RSAD2: variants seen among roughly 807,000 people sequenced by gnomAD.
RSAD2 encodes the protein S-adenosylmethionine-dependent nucleotide dehydratase RSAD2.
In RSAD2, 38 loss-of-function variants were observed where a neutral mutation model predicts 37.7. That is an observed-to-expected ratio of 1.01 (90% CI 0.78 to 1.32). The LOEUF (loss-of-function observed/expected upper bound fraction) is 1.32. RSAD2 is among the 40% of genes most tolerant of loss of function. The pLI is 0.00. For synonymous variants in RSAD2, 163 were observed against 157.4 expected, an observed-to-expected ratio of 1.04 and a Z score of -0.27; for missense variants, 428 against 437.5, an observed-to-expected ratio of 0.98 and a Z score of 0.19.
At position 6,893,722 on chromosome 2, in the gene RSAD2, T is replaced by C. The variant is rs376771541; in HGVS notation, c.921+19T>C. On this transcript the variant is annotated intron_variant, in intron 5 of 5. Coordinates refer to ENST00000382040, the MANE Select transcript of RSAD2 (RefSeq NM_080657.5). Reference sequence around the variant, plus strand: ...TGAATATGTGAGTATTTCCAATGAGTTATAAAATTAAAACTTAATTAATTA... The same window carrying C: ...TGAATATGTGAGTATTTCCAATGAGCTATAAAATTAAAACTTAATTAATTA... 1.7e-4 allele frequency: 262 copies of C among 1,551,072 alleles called. No individual in the cohort carries two copies. Among genetic ancestry groups the C allele is most frequent in the Non-Finnish European group, 2.1e-4 (238 of 1,123,884 alleles).
chr2:6,891,525 T>C (rs1459920738), intron 4 of RSAD2, among the ~76,000 whole-genome samples: 2 of 152,084 alleles, frequency 1.3e-5, no homozygotes, highest in Middle Eastern at 3.2e-3. Context: ...CCCAGCACTT[T>C]GGGGGGCTGA....
At chr2:6,890,032 C>T in intron 3 of RSAD2, 144 bp from the exon 4 acceptor site, 2 of 676,784 alleles carry the variant, frequency 3.0e-6, no homozygotes, top group Non-Finnish European at 4.7e-6. Flanking sequence ...TTTCATTTCC[C>T]CAAAGTAATA....
At chr2:6,883,318 AAAT>A in intron 1 of RSAD2, 50 bp from the exon 2 acceptor site, 1 of 1,544,476 alleles carries the variant, frequency 6.5e-7, no homozygotes, top group Non-Finnish European at 8.8e-7. Flanking sequence ...TTTGCTATTA[AAAT>A]AATAATGTAT....
chr2:6,895,673 C>T (rs1057377335), intron 5 of RSAD2, 105 bp from the exon 6 acceptor site: 20 of 1,040,670 alleles, frequency 1.9e-5, no homozygotes, highest in Admixed American at 1.0e-4. Context: ...AGATACCTGT[C>T]GACATGACTG....
At chr2:6,875,352 A>G (rs1344237849), upstream of RSAD2, among the ~76,000 whole-genome samples, 1 of 152,178 alleles carries the variant, frequency 6.6e-6, no homozygotes, top group Non-Finnish European at 1.5e-5. Context: ...TACTCGAATT[A>G]TTCAACTAGG....
rs773867513 is a variant in RSAD2, at chr2:6,887,165, G to A, written c.738+1G>A. ...AGCACTAAACCCTGTCCGCTGGAAA[G>A]TAAGTACACAAGGTCGCTTTTGCTG... On this transcript the variant is annotated splice_donor_variant, in intron 3 of 5. Coordinates refer to ENST00000382040, the MANE Select transcript of RSAD2 (RefSeq NM_080657.5). LOFTEE classifies it high-confidence loss of function. 28 of 1,609,636 alleles carry A rather than the reference G, an allele frequency of 1.7e-5. No individual in the cohort carries two copies. In the Middle Eastern group the frequency reaches 4.9e-4, roughly 28 times the overall value.
Position 6,897,644 on chromosome 2 carries a change from C to T in RSAD2, c.*1702C>T, listed in dbSNP as rs1558340513. 1 of 152,124 alleles carries T rather than the reference C, an allele frequency of 6.6e-6. No individual in the cohort carries two copies. Among genetic ancestry groups the T allele is most frequent in the Non-Finnish European group, 1.5e-5 (1 of 68,024 alleles). The allele number at this position is 152,124 out of a possible 1,614,324, so 9.4% of individuals were successfully genotyped here. A position where few individuals can be genotyped will look rare whatever the true frequency, so the allele number is the denominator to read the frequency against. On this transcript the variant is annotated 3_prime_UTR_variant, in exon 6 of 6. Transcript: ENST00000382040. ...CCCATGGGTTTTGATTGTGTCTAAG[C>T]TATGATGACCTTCATATAATCAGCA...
rs1300755274 is a variant in RSAD2 at position 6,877,921 on chromosome 2, C to G, written c.121C>G (p.Leu41Val). Residue 41 changes from leucine (L) to valine (V), a missense_variant, in exon 1 of 6, where the codon CTG becomes GTG. Transcript: ENST00000382040. ...CTGCTGGCTGAGGGCAACCTTCTGG[C>G]TGCTAGCTACCAAGAGGAGAAAGCA... ...LFCWLRATFW[L>V]LATKRRKQQL... 11 of 1,614,114 alleles carry G rather than the reference C, an allele frequency of 6.8e-6. No individual in the cohort carries two copies. The highest frequency in any genetic ancestry group is 9.3e-6 in the Non-Finnish European group (11 of 1,180,012).
intron 1 of RSAD2, among the ~76,000 whole-genome samples, chr2:6,869,387 GAA>G (rs60984834): frequency 5.9e-5 from 9 of 151,794 alleles, no homozygotes; most frequent in South Asian, 2.1e-4. Flanking sequence ...CTCATGAAAA[GAA>G]AAAAAAAATT....
intron 4 of RSAD2, among the ~76,000 whole-genome samples, chr2:6,892,262 A>G (rs1433959904): frequency 6.6e-6 from 1 of 152,342 alleles, no homozygotes; most frequent in African/African-American, 2.4e-5. Flanking sequence ...AAATGGTTCA[A>G]GTTTAAAAGG....
rs1663779170 is a variant in RSAD2, at chr2:6,896,539, T to A, written c.*597T>A. 6.6e-6 allele frequency: 1 copy of A among 151,912 alleles called. No homozygotes were observed. Among genetic ancestry groups the A allele is most frequent in the African/African-American group, 2.4e-5 (1 of 41,322 alleles). 9.4% of individuals were successfully genotyped at this position (151,912 alleles called of 1,614,324 possible). ...TTTCTGCTGGTTATAATGCTTTTTT[T>A]TTTTTGCCTTTATGCCATTGCAGTC... On this transcript the variant is annotated 3_prime_UTR_variant, in exon 6 of 6. Transcript: ENST00000382040.
chr2:6,877,840 T>A lies in RSAD2; in HGVS notation c.40T>A (p.Leu14Met). 6.2e-7 allele frequency: 1 copy of A among 1,614,112 alleles called. No homozygotes were observed. The highest frequency in any genetic ancestry group is 1.1e-5 in the South Asian group (1 of 91,058). Residue 14 changes from leucine (L) to methionine (M), a missense_variant, in exon 1 of 6, where the codon TTG becomes ATG. Leu to Met is a conservative substitution (Grantham distance 15). Coordinates refer to ENST00000382040, the MANE Select transcript of RSAD2 (RefSeq NM_080657.5). ...ACCTGCTGCTTTTGCTGGGAAGCTCTTGAGTGTGTTCAGGCAACCTCTGAG... is the reference window on the plus strand; with the variant it reads ...ACCTGCTGCTTTTGCTGGGAAGCTCATGAGTGTGTTCAGGCAACCTCTGAG... ...LTPAAFAGKL[L>M]SVFRQPLSSL...
upstream of RSAD2, among the ~76,000 whole-genome samples, chr2:6,875,676 C>T (rs2103237597): frequency 6.6e-6 from 1 of 152,314 alleles, no homozygotes; most frequent in South Asian, 2.1e-4. Flanking sequence ...GTTATCCTCA[C>T]CAGGAGATTT....
chr2:6,894,563 C>A (rs1195823151), intron 5 of RSAD2, among the ~76,000 whole-genome samples: 1 of 152,128 alleles, frequency 6.6e-6, no homozygotes, highest in Non-Finnish European at 1.5e-5. Context: ...GCCACCTGGG[C>A]TCAGGTGATC....
chr2:6,893,972 C>T (rs1361843844), intron 5 of RSAD2, among the ~76,000 whole-genome samples: 1 of 152,206 alleles, frequency 6.6e-6, no homozygotes, highest in Admixed American at 6.5e-5. Context: ...TGCCATGTAA[C>T]TATGCATCCG....
chr2:6,875,885 G>C (rs546962266), upstream of RSAD2, among the ~76,000 whole-genome samples: 5 of 152,092 alleles, frequency 3.3e-5, no homozygotes, highest in Admixed American at 6.5e-5. Flanking sequence ...AGGTTTTTCC[G>C]GTCCCAATTT....
At chr2:6,867,368 T>C (rs1388710609) in intron 1 of RSAD2, among the ~76,000 whole-genome samples, 1 of 152,210 alleles carries the variant, frequency 6.6e-6, no homozygotes, top group Non-Finnish European at 1.5e-5. Flanking sequence ...ACCTTTCCTT[T>C]GTGCTTGCAT....
At chr2:6,880,799 T>C (rs986512905) in intron 1 of RSAD2, among the ~76,000 whole-genome samples, 1 of 151,778 alleles carries the variant, frequency 6.6e-6, no homozygotes, top group East Asian at 1.9e-4. Context: ...TAAATTCACA[T>C]TGAAATTTAA....
At chr2:6,881,740 A>G (rs547087683) in intron 1 of RSAD2, among the ~76,000 whole-genome samples, 38 of 151,652 alleles carry the variant, frequency 2.5e-4, no homozygotes, top group Non-Finnish European at 4.3e-4. Flanking sequence ...GCAAAGGTCC[A>G]TCTTCCTAGA....
Sources: allele counts gnomAD v4.1 joint callset (sites outside exome capture counted in the v4.1 genomes callset), GRCh38; gene constraint gnomAD v4.1.1; transcripts MANE v1.5; gene names NCBI Gene and HGNC (gene_info 2026-07-23, HGNC 2026-07-21).